The following TNRC6B variants were observed in gnomAD, a reference collection of about 807,000 sequenced individuals.
TNRC6B encodes trinucleotide repeat containing adaptor 6B.
A neutral mutation model predicts 203.6 loss-of-function variants in TNRC6B; 52 were observed. That is an observed-to-expected ratio of 0.26 (90% CI 0.20 to 0.32). TNRC6B has a LOEUF of 0.32. TNRC6B is among the 10% of genes least tolerant of loss of function. The pLI is 1.00. For synonymous variants in TNRC6B, 838 were observed against 845.7 expected (o/e 0.99, Z 0.16); for missense variants, 1,923 against 2,286.2 (o/e 0.84, Z 3.24).
Position 40,331,044 on chromosome 22 carries a change from G to GT in TNRC6B, c.*7808dup. 2 of 152,738 alleles carry GT rather than the reference G, an allele frequency of 1.3e-5. No homozygotes were observed. Among genetic ancestry groups the GT allele is most frequent in the Middle Eastern group, 6.8e-3 (2 of 294 alleles). The allele number at this position is 152,738 out of a possible 1,614,324, so 9.5% of individuals were successfully genotyped here. A position where few individuals can be genotyped will look rare whatever the true frequency, so the allele number is the denominator to read the frequency against. ...TGTGGCTTTGGCTGTTTTGTTTTTT[G>GT]TTTTTCTGTAAGCACTGGAGAATTG... On this transcript the variant is annotated 3_prime_UTR_variant, in exon 23 of 23. Coordinates refer to ENST00000454349, the MANE Select transcript of TNRC6B (RefSeq NM_001162501.2).
At chr22:40,301,367 A>C (rs1344833132) in intron 15 of TNRC6B, 34 bp downstream of exon 15, 1 of 1,590,548 alleles carries the variant, frequency 6.3e-7, no homozygotes, top group Non-Finnish European at 8.6e-7. Context: ...ACCTTTTTAG[A>C]AATCTACCTC....
intron 1 of TNRC6B, among the ~76,000 whole-genome samples, chr22:40,068,518 A>G (rs1257029470): frequency 6.6e-6 from 1 of 151,878 alleles, no homozygotes; most frequent in Non-Finnish European, 1.5e-5. Flanking sequence ...AGGTCTCACC[A>G]TGTTGGCCAG....
intron 1 of TNRC6B, among the ~76,000 whole-genome samples, chr22:40,241,237 C>T (rs1442432350): frequency 6.6e-6 from 1 of 152,178 alleles, no homozygotes; most frequent in African/African-American, 2.4e-5. Flanking sequence ...CCAATGCTGT[C>T]ACCTGTAGCC....
intron 1 of TNRC6B, among the ~76,000 whole-genome samples, chr22:40,100,559 T>A (rs1044556192): frequency 1.2e-4 from 18 of 152,004 alleles, no homozygotes; most frequent in Admixed American, 6.6e-4. Context: ...AAAAAAAAAA[T>A]TTATAGACAT....
At chr22:40,188,065 C>G (rs1451856424) in intron 1 of TNRC6B, among the ~76,000 whole-genome samples, 1 of 152,056 alleles carries the variant, frequency 6.6e-6, no homozygotes, top group Admixed American at 6.6e-5. Context: ...ACTAAAAATA[C>G]AAAAAATTAG....
intron 1 of TNRC6B, among the ~76,000 whole-genome samples, chr22:40,233,800 C>T (rs1283753412): frequency 6.6e-6 from 1 of 152,172 alleles, no homozygotes; most frequent in African/African-American, 2.4e-5. Flanking sequence ...TTCTTTTACT[C>T]ACTTGACATC....
At chr22:40,320,078 G>C (rs1047851946) in intron 21 of TNRC6B, among the ~76,000 whole-genome samples, 1 of 152,026 alleles carries the variant, frequency 6.6e-6, no homozygotes, top group Non-Finnish European at 1.5e-5. Context: ...CATCCTGCAG[G>C]GTGTCTACCA....
intron 19 of TNRC6B, 69 bp from the exon 20 acceptor site, chr22:40,315,214 C>A: frequency 7.9e-7 from 1 of 1,258,252 alleles, no homozygotes. Flanking sequence ...GTAGATAAAA[C>A]TCATGTGTAT....
At chr22:40,147,026 G>A (rs1309659973) in intron 3 of TNRC6B, among the ~76,000 whole-genome samples, 3 of 152,168 alleles carry the variant, frequency 2.0e-5, no homozygotes, top group African/African-American at 2.4e-5. Context: ...TCACAATAGC[G>A]AAAAGGTGGA....
rs2044002118 is a variant in TNRC6B at position 40,333,358 on chromosome 22, G to C, written c.*10117G>C. Reference sequence around the variant, plus strand: ...ACTCAAAAACATAAAATAAACAAAAGACACACACACACACAAAAACCCTGT... The same window carrying C: ...ACTCAAAAACATAAAATAAACAAAACACACACACACACACAAAAACCCTGT... On this transcript the variant is annotated 3_prime_UTR_variant, in exon 23 of 23. Coordinates refer to ENST00000454349, the MANE Select transcript of TNRC6B (RefSeq NM_001162501.2). The C allele has an allele frequency of 6.6e-6, 1 of 152,070 alleles. No homozygotes were observed. The highest frequency in any genetic ancestry group is 2.4e-5 in the African/African-American group (1 of 41,208). 9.4% of individuals were successfully genotyped at this position (152,070 alleles called of 1,614,324 possible).
At chr22:40,108,160 A>G (rs2068302829) in intron 1 of TNRC6B, among the ~76,000 whole-genome samples, 1 of 152,160 alleles carries the variant, frequency 6.6e-6, no homozygotes. Flanking sequence ...AGTTCTGGTA[A>G]GCCATTTACA....
intron 5 of TNRC6B, among the ~76,000 whole-genome samples, chr22:40,267,884 C>T (rs17001771): frequency 0.027 from 4,050 of 151,660 alleles, 168 homozygotes; most frequent in African/African-American, 0.092. Flanking sequence ...AAAAAAAGAG[C>T]GATTGTTAGG....
chr22:40,267,345 G>T (rs1170532547), intron 5 of TNRC6B, among the ~76,000 whole-genome samples: 1 of 152,196 alleles, frequency 6.6e-6, no homozygotes, highest in African/African-American at 2.4e-5. Context: ...CTATGTTCTA[G>T]ATTTTAAAAT....
intron 3 of TNRC6B, among the ~76,000 whole-genome samples, chr22:40,261,143 G>C (rs2146492721): frequency 6.6e-6 from 1 of 152,042 alleles, no homozygotes; most frequent in East Asian, 1.9e-4. Context: ...AAATTAGTTG[G>C]GCATAGTGGT....
intron 4 of TNRC6B, among the ~76,000 whole-genome samples, chr22:40,167,896 A>C (rs906378857): frequency 6.6e-6 from 1 of 152,034 alleles, no homozygotes; most frequent in Non-Finnish European, 1.5e-5. Context: ...TAACCAAAAA[A>C]TACGGGATAA....
At chr22:40,318,430 C>G (rs966975194) in intron 21 of TNRC6B, among the ~76,000 whole-genome samples, 4 of 152,004 alleles carry the variant, frequency 2.6e-5, no homozygotes, top group African/African-American at 9.7e-5. Context: ...ACCTGTAGTC[C>G]CAGCTACTTG....
chr22:40,139,867 T>A (rs995818084), intron 3 of TNRC6B, among the ~76,000 whole-genome samples: 6 of 152,222 alleles, frequency 3.9e-5, no homozygotes, highest in Non-Finnish European at 7.3e-5. Context: ...TTCAAGTGAC[T>A]ACACCATTTT....
chr22:40,102,291 C>G (rs928009036), intron 1 of TNRC6B, among the ~76,000 whole-genome samples: 1 of 152,110 alleles, frequency 6.6e-6, no homozygotes, highest in East Asian at 1.9e-4. Flanking sequence ...TGTGTTTGTA[C>G]AGGTGGGATG....
At chr22:40,189,153 T>G (rs2069240980) in intron 1 of TNRC6B, among the ~76,000 whole-genome samples, 1 of 152,184 alleles carries the variant, frequency 6.6e-6, no homozygotes, top group Non-Finnish European at 1.5e-5. Context: ...CCCAGAGTGT[T>G]GTCTTCCCCG....
Sources: gnomAD v4.1 joint callset for allele counts (sites outside exome capture counted in the v4.1 genomes callset) on GRCh38, gnomAD v4.1.1 for gene constraint, MANE v1.5 for transcripts, NCBI Gene and HGNC (gene_info 2026-07-23, HGNC 2026-07-21) for gene names.